The following LSG1 variants were observed in gnomAD, a reference collection of about 807,000 sequenced individuals.
The protein encoded by LSG1 is large 60S subunit nuclear export GTPase 1, also known as large subunit GTPase 1 homolog.
A neutral mutation model predicts 82.6 loss-of-function variants in LSG1; 55 were observed. That is an observed-to-expected ratio of 0.67 (90% CI 0.54 to 0.83). The LOEUF is 0.83. Among genes scored for constraint, LSG1 ranks in the 40% least tolerant of loss-of-function variants. LSG1 has a pLI of 0.00. For missense variants in LSG1, 809 were observed against 807.9 expected, an observed-to-expected ratio of 1.00 and a Z score of -0.02; for synonymous variants, 272 against 282.5, an observed-to-expected ratio of 0.96 and a Z score of 0.37.
At chr3:194,669,699 C>T (rs544796687) in intron 2 of LSG1, among the ~76,000 whole-genome samples, 17 of 152,210 alleles carry the variant, frequency 1.1e-4, no homozygotes, top group African/African-American at 3.9e-4. Flanking sequence ...TTTGGGAGGC[C>T]AAGGAAGGCG....
In LSG1 at chr3:194,645,513, CACACACACACACACACAGACAG is replaced by C. The variant is rs1577250687; in HGVS notation, c.1623+629_1623+650del. ...TTAGTGCTACACACACACACACACA[CACACACACACACACACAGACAG>C]ACACACACACACACACACACACACA... On this transcript the variant is annotated intron_variant, in intron 12 of 13. Transcript: ENST00000265245. 49 of 52,216 alleles carry C rather than the reference CACACACACACACACACAGACAG, an allele frequency of 9.4e-4. 2 individuals carry two copies. Among genetic ancestry groups the C allele is most frequent in the Non-Finnish European group, 1.2e-3 (28 of 23,216 alleles). The allele number at this position is 52,216 out of a possible 1,614,324, so 3.2% of individuals were successfully genotyped here.
intron 6 of LSG1, among the ~76,000 whole-genome samples, chr3:194,659,689 C>G (rs1718882439): frequency 6.6e-6 from 1 of 152,112 alleles, no homozygotes; most frequent in Admixed American, 6.5e-5. Context: ...CACAGGGAGT[C>G]ATAACTAAAG....
At chr3:194,653,613 C>T (rs567383842) in intron 7 of LSG1, among the ~76,000 whole-genome samples, 3 of 152,096 alleles carry the variant, frequency 2.0e-5, no homozygotes, top group Non-Finnish European at 4.4e-5. Context: ...AGTTCAGTGC[C>T]GTGACAGACA....
At chr3:194,643,203 T>C (rs1260574573) in intron 13 of LSG1, among the ~76,000 whole-genome samples, 1 of 152,252 alleles carries the variant, frequency 6.6e-6, no homozygotes, top group Non-Finnish European at 1.5e-5. Context: ...GTAGCTGTGA[T>C]ATAAGCAACT....
rs1560219674 is a variant in LSG1, at chr3:194,645,541, C to CACACACACAGACAG, written c.1623+622_1623+623insCTGTCTGTGTGTGT. 2.3e-3 allele frequency: 92 copies of CACACACACAGACAG among 40,766 alleles called. 6 individuals carry two copies. The highest frequency in any genetic ancestry group is 3.4e-3 in the Non-Finnish European group (69 of 20,232). The allele number at this position is 40,766 out of a possible 1,614,324, so 2.5% of individuals were successfully genotyped here. A position where few individuals can be genotyped will look rare whatever the true frequency, so the allele number is the denominator to read the frequency against. On this transcript the variant is annotated intron_variant, in intron 12 of 13. Transcript: ENST00000265245. The stretch of plus-strand genomic sequence containing the variant: ...ACACACACACACACAGACAGACACA[C>CACACACACAGACAG]ACACACACACACACACACACACACA...
chr3:194,666,892 T>C (rs1322230067), intron 2 of LSG1, among the ~76,000 whole-genome samples: 3 of 152,142 alleles, frequency 2.0e-5, no homozygotes, highest in African/African-American at 7.2e-5. Context: ...TTGTTAAAAA[T>C]GTAAATGCTG....
intron 6 of LSG1, among the ~76,000 whole-genome samples, chr3:194,659,418 G>A (rs1718876201): frequency 6.6e-6 from 1 of 152,124 alleles, no homozygotes; most frequent in South Asian, 2.1e-4. Context: ...GGAGGAGGGA[G>A]GATTGCTTGA....
intron 11 of LSG1, among the ~76,000 whole-genome samples, chr3:194,647,987 A>C (rs1040451156): frequency 1.3e-5 from 2 of 152,094 alleles, no homozygotes; most frequent in Non-Finnish European, 2.9e-5. Flanking sequence ...CTGCCAGTAA[A>C]TACTCAAATA....
rs1235601945 is a variant in LSG1 at position 194,666,465 on chromosome 3, A to C, written c.334T>G (p.Cys112Gly). The change falls in exon 3 of 14, where the codon TGT (cysteine) becomes GGT (glycine). Residue 112 changes from cysteine (C) to glycine (G), a missense_variant. Physicochemically the swap from Cys to Gly is radical, Grantham distance 159 (BLOSUM62 -3). Coordinates refer to ENST00000265245, the MANE Select transcript of LSG1 (RefSeq NM_018385.3). ...KLHEENKQFL[C>G]IPRRPNWNQN... ...TCTTCAGCTCACCTCCTCGGTATAC[A>C]CAAGAACTGTTTGTTTTCTTCATGG... 3.1e-6 allele frequency: 5 copies of C among 1,614,018 alleles called. No homozygotes were observed. In the East Asian group the frequency reaches 6.7e-5, roughly 22 times the overall value.
chr3:194,646,301 A>C, intron 11 of LSG1, 58 bp from the exon 12 acceptor site: 1 of 1,313,634 alleles, frequency 7.6e-7, no homozygotes, highest in Non-Finnish European at 1.1e-6. Flanking sequence ...CAACAAAGAC[A>C]ACTGAGGTGA....
rs761906583 is a variant in LSG1, at chr3:194,652,874, T to C, written c.1028A>G (p.Asp343Gly). Residue 343 changes from aspartate to glycine, a missense_variant, in exon 8 of 14, where the codon GAT becomes GGT. Coordinates refer to ENST00000265245, the MANE Select transcript of LSG1 (RefSeq NM_018385.3). The part of the protein sequence containing the change: ...SQDWKESSTA[D>G]SEARSRKTPQ... ...GGTTTTCCTGCTCCGAGCCTCAGAA[T>C]CTGCAGTAGAGCTTTCCTTCCAGTC... 3.7e-6 allele frequency: 6 copies of C among 1,614,016 alleles called. No individual in the cohort carries two copies. In the Admixed American group the frequency reaches 8.3e-5, roughly 22 times the overall value.
At chr3:194,667,198 G>A (rs1039179879) in intron 2 of LSG1, among the ~76,000 whole-genome samples, 3 of 151,780 alleles carry the variant, frequency 2.0e-5, no homozygotes, top group South Asian at 4.2e-4. Context: ...CTACAGGCCC[G>A]CACCACCACG....
At chr3:194,651,512 T>C (rs1440332606) in intron 8 of LSG1, 3 of 371,092 alleles carry the variant, frequency 8.1e-6, no homozygotes, top group African/African-American at 2.1e-5. Context: ...CTTCCCTCAC[T>C]GCCCCATCTA....
chr3:194,661,043 T>C (rs1370345502), intron 5 of LSG1, among the ~76,000 whole-genome samples: 2 of 152,188 alleles, frequency 1.3e-5, no homozygotes, highest in Non-Finnish European at 2.9e-5. Flanking sequence ...AAATCCTTAT[T>C]CTGTTAACCA....
At chr3:194,658,752 C>G (rs1718858313) in intron 7 of LSG1, among the ~76,000 whole-genome samples, 1 of 152,142 alleles carries the variant, frequency 6.6e-6, no homozygotes, top group Admixed American at 6.5e-5. Context: ...TGTGTAACAA[C>G]ACTGGAGAGG....
At chr3:194,658,141 AGCT>A (rs1577256479) in intron 7 of LSG1, among the ~76,000 whole-genome samples, 1 of 151,990 alleles carries the variant, frequency 6.6e-6, no homozygotes, top group East Asian at 1.9e-4. Flanking sequence ...TTCTTTTCAT[AGCT>A]GTTGTTATTA....
At chr3:194,661,787 T>C (rs1290248345) in intron 5 of LSG1, among the ~76,000 whole-genome samples, 3 of 152,212 alleles carry the variant, frequency 2.0e-5, no homozygotes, top group Admixed American at 6.5e-5. Flanking sequence ...ACTATATTCC[T>C]TGAGCTAGAA....
At chr3:194,664,781 G>A (rs1029738376) in intron 5 of LSG1, among the ~76,000 whole-genome samples, 3 of 151,930 alleles carry the variant, frequency 2.0e-5, no homozygotes, top group African/African-American at 7.3e-5. Context: ...TTAGCTGGGC[G>A]TGGTGGTGTG....
intron 12 of LSG1, 165 bp from the exon 13 acceptor site, chr3:194,644,911 A>G (rs1006948728): frequency 1.1e-5 from 5 of 470,020 alleles, no homozygotes; most frequent in Non-Finnish European, 1.5e-5. Context: ...TTTCTAATAC[A>G]TCAATGGTCA....
Sources: gnomAD v4.1 joint callset for allele counts (sites outside exome capture counted in the v4.1 genomes callset) on GRCh38, gnomAD v4.1.1 for gene constraint, MANE v1.5 for transcripts, NCBI Gene and HGNC (gene_info 2026-07-23, HGNC 2026-07-21) for gene names.